The following ARFGAP3 variants were observed in gnomAD, a reference collection of about 807,000 sequenced individuals.
ARFGAP3 encodes the protein ARF GTPase activating protein 3.
ARFGAP3 carries 72 observed loss-of-function variants against 75.0 expected under a neutral mutation model. That is an observed-to-expected ratio of 0.96 (90% confidence interval 0.79 to 1.17). The LOEUF (loss-of-function observed/expected upper bound fraction) is 1.17. ARFGAP3 is among the 50% of genes most tolerant of loss of function. The pLI is 0.00. For synonymous variants in ARFGAP3, 221 were observed against 217.9 expected, an observed-to-expected ratio of 1.01 and a Z score of -0.13; for missense variants, 620 against 626.6, an observed-to-expected ratio of 0.99 and a Z score of 0.11.
chr22:42,810,878 G>A lies in ARFGAP3; in HGVS notation c.1131C>T (p.Ser377=), dbSNP rs1204834348. ...CTTTGCTGGTCTCTTTTTTCCAATA[G>A]GAATCTGAACTGTCATCCCAGCTAG... ...SFSSWDDSSD[S]YWKKETSKDT... The change falls in exon 12 of 16, where the codon TCC becomes TCT. Residue 377 remains serine (S), a synonymous_variant. Coordinates refer to ENST00000263245, the MANE Select transcript of ARFGAP3 (RefSeq NM_014570.5). The A allele has an allele frequency of 1.2e-6, 2 of 1,614,066 alleles. No individual in the cohort carries two copies. The highest frequency in any genetic ancestry group is 1.7e-6 in the Non-Finnish European group (2 of 1,180,014).
intron 6 of ARFGAP3, among the ~76,000 whole-genome samples, chr22:42,831,047 C>A (rs909738078): frequency 2.0e-5 from 3 of 151,168 alleles, no homozygotes; most frequent in Non-Finnish European, 4.4e-5. Flanking sequence ...CGCCTGTAAT[C>A]CCAGCACTTT....
intron 1 of ARFGAP3, among the ~76,000 whole-genome samples, chr22:42,850,775 C>G (rs558577223): frequency 6.6e-6 from 1 of 151,984 alleles, no homozygotes; most frequent in African/African-American, 2.4e-5. Flanking sequence ...ACTGAATAAT[C>G]GGGGTGGAGT....
At chr22:42,845,859 G>T (rs1926992596) in intron 2 of ARFGAP3, among the ~76,000 whole-genome samples, 1 of 151,934 alleles carries the variant, frequency 6.6e-6, no homozygotes, top group Non-Finnish European at 1.5e-5. Flanking sequence ...CCAACAAGGT[G>T]AAAGCCCATC....
At chr22:42,817,543 T>C (rs1227537527) in intron 10 of ARFGAP3, among the ~76,000 whole-genome samples, 186 bp downstream of exon 10, 1 of 152,140 alleles carries the variant, frequency 6.6e-6, no homozygotes, top group Non-Finnish European at 1.5e-5. Context: ...TTTTCCTTCT[T>C]TTAAAGAGCC....
At chr22:42,822,998 T>C (rs924295875) in intron 8 of ARFGAP3, among the ~76,000 whole-genome samples, 1 of 152,008 alleles carries the variant, frequency 6.6e-6, no homozygotes, top group Non-Finnish European at 1.5e-5. Flanking sequence ...TTTGAAGAGA[T>C]GGGATTTCAC....
At chr22:42,825,337 C>T (rs1925990443) in intron 7 of ARFGAP3, among the ~76,000 whole-genome samples, 1 of 152,158 alleles carries the variant, frequency 6.6e-6, no homozygotes, top group African/African-American at 2.4e-5. Flanking sequence ...GCTTTTTCAC[C>T]TTGGCTTATA....
Position 42,835,354 on chromosome 22 carries a change from T to C in ARFGAP3, c.393+8A>G, listed in dbSNP as rs141667973. 2.9e-5 allele frequency: 46 copies of C among 1,613,050 alleles called. No individual in the cohort carries two copies. Among genetic ancestry groups the C allele is most frequent in the Admixed American group, 6.7e-5 (4 of 59,722 alleles). ...CTAAAGGAAACAATCCAGCCTCCAG[T>C]GACTTACATCAGTGCCATGCTTCCG... On this transcript the variant is annotated splice_region_variant and intron_variant, in intron 4 of 15. Coordinates refer to ENST00000263245, the MANE Select transcript of ARFGAP3 (RefSeq NM_014570.5).
rs202174033 is a variant in ARFGAP3, at chr22:42,807,147, C to T, written c.1337G>A (p.Arg446His). 67 of 1,612,060 alleles carry T rather than the reference C, an allele frequency of 4.2e-5. No individual in the cohort carries two copies. Among genetic ancestry groups the T allele is most frequent in the Middle Eastern group, 1.6e-4 (1 of 6,062 alleles). ...QSQADYETRA[R>H]LERLSASSSI... ...GGAACTTGCCGACAGCCTCTCTAGG[C>T]GGGCCCTGGTCTCATACTAGAGAAG... The change falls in exon 14 of 16, where the codon CGC (arginine) becomes CAC (histidine). Residue 446 changes from arginine to histidine, a missense_variant. Transcript: ENST00000263245.
At chr22:42,836,664 C>G (rs980983782) in intron 3 of ARFGAP3, among the ~76,000 whole-genome samples, 1 of 152,142 alleles carries the variant, frequency 6.6e-6, no homozygotes, top group African/African-American at 2.4e-5. Flanking sequence ...TTAATTAAAA[C>G]AGGTCTTCTA....
At chr22:42,844,714 TA>T (rs1926937232) in intron 2 of ARFGAP3, among the ~76,000 whole-genome samples, 1 of 152,150 alleles carries the variant, frequency 6.6e-6, no homozygotes, top group Non-Finnish European at 1.5e-5. Flanking sequence ...CAGTTTTTTT[TA>T]AGGAATAAAA....
rs538087629 is a variant in ARFGAP3 at position 42,802,272 on chromosome 22, G to T, written c.1412-3112C>A. On this transcript the variant is annotated intron_variant, in intron 14 of 15. Coordinates refer to ENST00000263245, the MANE Select transcript of ARFGAP3 (RefSeq NM_014570.5). ...TGGAAGTTTCCAGGACAACTCCCAG[G>T]CTCCTCAAAATAACAATTTTTTTTT... 2.6e-5 allele frequency among the ~76,000 whole-genome samples: 4 copies of T among 151,510 alleles called. No individual in the cohort carries two copies. In the South Asian group the frequency reaches 8.3e-4, roughly 31 times the overall value.
At chr22:42,804,443 G>A (rs1009408899) in intron 14 of ARFGAP3, among the ~76,000 whole-genome samples, 5 of 143,056 alleles carry the variant, frequency 3.5e-5, no homozygotes, top group Non-Finnish European at 6.0e-5. Context: ...GTGCAGCGGT[G>A]TGATCTCGGC....
At position 42,847,566 on chromosome 22, in the gene ARFGAP3, T is replaced by G. The variant is rs141462679; in HGVS notation, c.136A>C (p.Ile46Leu). The G allele has an allele frequency of 2.9e-5, 46 of 1,613,808 alleles. No individual in the cohort carries two copies. Among genetic ancestry groups the G allele is most frequent in the Non-Finnish European group, 3.8e-5 (45 of 1,179,916 alleles). The change falls in exon 2 of 16, where the codon ATT becomes CTT. Residue 46 changes from isoleucine to leucine, a missense_variant. Physicochemically the swap from Ile to Leu is conservative, Grantham distance 5. Coordinates refer to ENST00000263245, the MANE Select transcript of ARFGAP3 (RefSeq NM_014570.5). ...GACCGGTGGGACCCTGAGCAATCAA[T>G]GCAAAGGAACACTCCATAGGTTATG... Reference protein sequence around the residue: ...ASITYGVFLCIDCSGSHRSLG... With the variant: ...ASITYGVFLCLDCSGSHRSLG...
intron 11 of ARFGAP3, among the ~76,000 whole-genome samples, chr22:42,815,534 T>C (rs2146539390): frequency 6.6e-6 from 1 of 152,180 alleles, no homozygotes; most frequent in African/African-American, 2.4e-5. Flanking sequence ...TAGGAAAATA[T>C]ACAATTTCAC....
chr22:42,822,493 C>T, intron 8 of ARFGAP3, 84 bp from the exon 9 acceptor site: 1 of 1,489,614 alleles, frequency 6.7e-7, no homozygotes, highest in Non-Finnish European at 9.1e-7. Flanking sequence ...GGGTTAGGAC[C>T]TGCCAGGCAC....
At chr22:42,801,237 AG>A (rs1924845126) in intron 14 of ARFGAP3, among the ~76,000 whole-genome samples, 1 of 152,236 alleles carries the variant, frequency 6.6e-6, no homozygotes, top group African/African-American at 2.4e-5. Flanking sequence ...GCTGAGAGGC[AG>A]GCGGATTAAG....
At position 42,797,228 on chromosome 22, in the gene ARFGAP3, T is replaced by C. The variant is rs1447496936; in HGVS notation, c.*360A>G. 2.3e-5 allele frequency: 6 copies of C among 259,310 alleles called. No individual in the cohort carries two copies. The allele number at this position is 259,310 out of a possible 1,614,324, so 16.1% of individuals were successfully genotyped here. ...ATTCTGGCAGCCCTGAGCCCATGTG[T>C]CACATGGAGACCTCTCCTCCTCCCC... On this transcript the variant is annotated 3_prime_UTR_variant, in exon 16 of 16. Transcript: ENST00000263245.
At chr22:42,822,499 G>A in intron 8 of ARFGAP3, 90 bp from the exon 9 acceptor site, 2 of 1,485,116 alleles carry the variant, frequency 1.3e-6, no homozygotes, top group Non-Finnish European at 1.8e-6. Flanking sequence ...GGACCTGCCA[G>A]GCACTGTGAC....
At chr22:42,824,835 C>T (rs1925970192) in intron 7 of ARFGAP3, among the ~76,000 whole-genome samples, 1 of 152,062 alleles carries the variant, frequency 6.6e-6, no homozygotes, top group Admixed American at 6.6e-5. Context: ...AGCTCTTGTT[C>T]CCCTCTCTCC....
Sources: allele counts gnomAD v4.1 joint callset (sites outside exome capture counted in the v4.1 genomes callset), GRCh38; gene constraint gnomAD v4.1.1; transcripts MANE v1.5; gene names NCBI Gene and HGNC (gene_info 2026-07-23, HGNC 2026-07-21).